The following PPM1H variants were observed in gnomAD, a reference collection of about 807,000 sequenced individuals.
PPM1H encodes protein phosphatase 1H.
Under a neutral mutation model 54.9 loss-of-function variants are expected in PPM1H, and 27 were observed. The observed-to-expected ratio is 0.49, with a 90% CI of 0.36 to 0.68. The LOEUF (loss-of-function observed/expected upper bound fraction) is 0.68, where lower values mean the gene tolerates loss of function less well. Among genes scored for constraint, PPM1H ranks in the 30% least tolerant of loss-of-function variants. The probability of loss-of-function intolerance (pLI) is 0.00; values close to 1 mark genes in which losing one functional copy is unlikely to be tolerated. For synonymous variants in PPM1H, 305 were observed against 270.8 expected, an observed-to-expected ratio of 1.13 and a Z score of -1.24; for missense variants, 596 against 667.8, an observed-to-expected ratio of 0.89 and a Z score of 1.19.
At chr12:62,756,698 T>G (rs1166242580) in intron 4 of PPM1H, among the ~76,000 whole-genome samples, 1 of 148,930 alleles carries the variant, frequency 6.7e-6, no homozygotes, top group Non-Finnish European at 1.5e-5. Context: ...AAGGAAAAAG[T>G]AGGGGAGGGG....
chr12:62,896,757 C>A (rs1429085455), intron 1 of PPM1H, among the ~76,000 whole-genome samples: 6 of 152,140 alleles, frequency 3.9e-5, no homozygotes, highest in Admixed American at 3.3e-4. Context: ...CGGGTATATA[C>A]CCAAAGGCTT....
At chr12:62,694,635 C>G (rs1445834007) in intron 6 of PPM1H, among the ~76,000 whole-genome samples, 2 of 152,154 alleles carry the variant, frequency 1.3e-5, no homozygotes, top group Non-Finnish European at 2.9e-5. Context: ...ATGAAAGGGA[C>G]AGAGCTGATG....
At chr12:62,851,756 A>G (rs1229351816) in intron 1 of PPM1H, among the ~76,000 whole-genome samples, 1 of 152,152 alleles carries the variant, frequency 6.6e-6, no homozygotes, top group Non-Finnish European at 1.5e-5. Flanking sequence ...GAAGGTGACT[A>G]TTATACTAGT....
chr12:62,785,988 A>C (rs2076668549), intron 4 of PPM1H, among the ~76,000 whole-genome samples: 1 of 152,148 alleles, frequency 6.6e-6, no homozygotes, highest in Non-Finnish European at 1.5e-5. Context: ...GGTGAAAGGC[A>C]CTTCCCTGGG....
At chr12:62,847,431 C>T (rs963790362) in intron 1 of PPM1H, among the ~76,000 whole-genome samples, 7 of 152,176 alleles carry the variant, frequency 4.6e-5, no homozygotes, top group Non-Finnish European at 2.9e-5. Context: ...GGGGTAGAAA[C>T]TTATTTAATT....
At chr12:62,794,395 C>T (rs191356453) in intron 3 of PPM1H, among the ~76,000 whole-genome samples, 100 of 152,104 alleles carry the variant, frequency 6.6e-4, no homozygotes, top group African/African-American at 2.0e-3. Context: ...ACAATGTCAC[C>T]ATGTATTTAT....
intron 4 of PPM1H, chr12:62,755,737 G>C (rs2076469814): frequency 1.3e-6 from 1 of 762,614 alleles, no homozygotes; most frequent in African/African-American, 1.7e-5. Flanking sequence ...CGGTATCGTG[G>C]AAGGACTCAT....
intron 9 of PPM1H, among the ~76,000 whole-genome samples, chr12:62,662,491 G>C (rs1349928105): frequency 6.6e-6 from 1 of 152,154 alleles, no homozygotes; most frequent in African/African-American, 2.4e-5. Flanking sequence ...AAATATGTGA[G>C]ACATAACAAC....
At chr12:62,698,570 G>A (rs2076126246) in intron 6 of PPM1H, among the ~76,000 whole-genome samples, 1 of 152,012 alleles carries the variant, frequency 6.6e-6, no homozygotes, top group Admixed American at 6.6e-5. Context: ...GGTCTTTCTG[G>A]TTGGCCAGTG....
chr12:62,855,343 A>G (rs1869344048), intron 1 of PPM1H, among the ~76,000 whole-genome samples: 2 of 152,186 alleles, frequency 1.3e-5, no homozygotes. Flanking sequence ...CAGTACGTCC[A>G]ACAAACTACT....
At chr12:62,678,934 G>C (rs1004005900) in intron 8 of PPM1H, among the ~76,000 whole-genome samples, 1 of 151,948 alleles carries the variant, frequency 6.6e-6, no homozygotes, top group Non-Finnish European at 1.5e-5. Flanking sequence ...TGATCTGCCT[G>C]CCTCAGCCTC....
At chr12:62,795,855 T>G (rs537405816) in intron 3 of PPM1H, among the ~76,000 whole-genome samples, 37 of 152,228 alleles carry the variant, frequency 2.4e-4, no homozygotes, top group African/African-American at 8.4e-4. Flanking sequence ...GCCTCCCAAG[T>G]AGCTGGGATT....
intron 1 of PPM1H, among the ~76,000 whole-genome samples, chr12:62,883,129 C>T (rs1666910): frequency 0.54 from 81,924 of 152,048 alleles, 23,534 homozygotes; most frequent in African/African-American, 0.73. Flanking sequence ...TCTGGTATTA[C>T]AGAAGAAAGG....
intron 9 of PPM1H, among the ~76,000 whole-genome samples, chr12:62,665,811 GC>G (rs1001603266): frequency 7.3e-5 from 11 of 151,718 alleles, no homozygotes; most frequent in Non-Finnish European, 1.6e-4. Context: ...ATCGATCTTG[GC>G]TCACTGCAAC....
rs185516925 is a variant in PPM1H at position 62,658,941 on chromosome 12, C to G, written c.1397+8237G>C. The G allele has an allele frequency of 4.2e-4, 290 of 694,920 alleles. 1 individual carries two copies. Among genetic ancestry groups the G allele is most frequent in the East Asian group, 4.0e-3 (139 of 34,812 alleles). The allele number at this position is 694,920 out of a possible 1,614,324, so 43.0% of individuals were successfully genotyped here. A position where few individuals can be genotyped will look rare whatever the true frequency, so the allele number is the denominator to read the frequency against. On this transcript the variant is annotated intron_variant, in intron 9 of 9. Coordinates refer to ENST00000228705, the MANE Select transcript of PPM1H (RefSeq NM_020700.2). ...CGTAACTGGCAGAAACCCAGAGGTA[C>G]TGACAACAGGGCTCATAGAAGGTTC...
chr12:62,798,885 A>G (rs932002688), intron 3 of PPM1H, among the ~76,000 whole-genome samples: 3 of 152,040 alleles, frequency 2.0e-5, no homozygotes, highest in Non-Finnish European at 4.4e-5. Flanking sequence ...CCCACACCCC[A>G]GCATCACCTC....
chr12:62,879,663 ATGACGAGT>A (rs1244152628), intron 1 of PPM1H, among the ~76,000 whole-genome samples: 2 of 152,106 alleles, frequency 1.3e-5, no homozygotes, highest in African/African-American at 4.8e-5. Context: ...CCTAGTGTAA[ATGACGAGT>A]TGATGGGTGC....
chr12:62,885,646 CA>C (rs1322685366), intron 1 of PPM1H, among the ~76,000 whole-genome samples: 1 of 152,148 alleles, frequency 6.6e-6, no homozygotes, highest in African/African-American at 2.4e-5. Context: ...TTCTGCCTAC[CA>C]TAGGTACTCA....
At chr12:62,927,511 A>G (rs1277074709) in intron 1 of PPM1H, among the ~76,000 whole-genome samples, 1 of 151,824 alleles carries the variant, frequency 6.6e-6, no homozygotes, top group Non-Finnish European at 1.5e-5. Context: ...AATACAAAAA[A>G]ATTACCTGGG....
Sources: gnomAD v4.1 joint callset for allele counts (sites outside exome capture counted in the v4.1 genomes callset) on GRCh38, gnomAD v4.1.1 for gene constraint, MANE v1.5 for transcripts, NCBI Gene and HGNC (gene_info 2026-07-23, HGNC 2026-07-21) for gene names.